The following RAD51B variants were observed in gnomAD, a reference collection of about 807,000 sequenced individuals.
RAD51B encodes RAD51 paralog B, also known as DNA repair protein RAD51 homolog 2.
RAD51B carries 38 observed loss-of-function variants against 42.2 expected under a neutral mutation model. The ratio of observed to expected loss-of-function variants is 0.90; its 90% CI spans 0.70 to 1.18. The LOEUF is 1.18. RAD51B is among the 50% of genes most tolerant of loss of function. The pLI, the probability that RAD51B is intolerant of heterozygous loss-of-function variation, is 0.00. For synonymous variants in RAD51B, 154 were observed against 145.2 expected (o/e 1.06, Z -0.43); for missense variants, 373 against 400.7 (o/e 0.93, Z 0.59).
intron 7 of RAD51B, among the ~76,000 whole-genome samples, chr14:67,923,542 G>A (rs1398622768): frequency 4.6e-5 from 7 of 151,482 alleles, no homozygotes; most frequent in Admixed American, 6.6e-5. Context: ...CAGGTGATCC[G>A]CCCACCTCAG....
At chr14:68,556,140 C>A (rs891108050) in intron 10 of RAD51B, among the ~76,000 whole-genome samples, 1 of 152,164 alleles carries the variant, frequency 6.6e-6, no homozygotes, top group Non-Finnish European at 1.5e-5. Flanking sequence ...TCAATGGTTA[C>A]TTTTTTAAGT....
At chr14:68,653,377 AAAAAACAAAGCC>A (rs1566964718) in intron 11 of RAD51B, among the ~76,000 whole-genome samples, 1 of 100,100 alleles carries the variant, frequency 1.0e-5, no homozygotes, top group Non-Finnish European at 2.4e-5. Flanking sequence ...CTGTCTTTCA[AAAAAACAAAGCC>A]AAAAAACAGT....
intron 7 of RAD51B, among the ~76,000 whole-genome samples, chr14:68,034,264 CTT>C (rs548523242): frequency 1.7e-4 from 25 of 143,768 alleles, no homozygotes; most frequent in Admixed American, 2.8e-4. Context: ...GAATCATCTG[CTT>C]TTTTTTTTTT....
At chr14:67,919,914 T>C (rs2140132010) in intron 7 of RAD51B, among the ~76,000 whole-genome samples, 1 of 152,336 alleles carries the variant, frequency 6.6e-6, no homozygotes, top group Middle Eastern at 3.4e-3. Flanking sequence ...GGCTGACTGT[T>C]GGATTAGCTG....
intron 8 of RAD51B, among the ~76,000 whole-genome samples, chr14:68,328,569 C>A (rs1053052385): frequency 6.6e-6 from 1 of 152,208 alleles, no homozygotes. Context: ...TCCAGCTCCC[C>A]TGGCTTTTGG....
intron 7 of RAD51B, among the ~76,000 whole-genome samples, chr14:68,063,545 G>T (rs1467004616): frequency 2.0e-5 from 3 of 152,132 alleles, no homozygotes; most frequent in South Asian, 2.1e-4. Context: ...AGACCATCCT[G>T]GCCAACATGG....
chr14:68,468,962 T>G, intron 10 of RAD51B: 1 of 286,544 alleles, frequency 3.5e-6, no homozygotes, highest in Non-Finnish European at 7.5e-6. Context: ...CAGAAAGCAA[T>G]TAACATGAAG....
At chr14:68,202,455 C>A (rs761764787) in intron 7 of RAD51B, among the ~76,000 whole-genome samples, 4 of 151,654 alleles carry the variant, frequency 2.6e-5, no homozygotes, top group African/African-American at 9.7e-5. Flanking sequence ...TTATCAACTA[C>A]GTTTATATAA....
chr14:68,589,547 G>GC (rs528811685), intron 10 of RAD51B, among the ~76,000 whole-genome samples: 36 of 152,326 alleles, frequency 2.4e-4, no homozygotes, highest in African/African-American at 8.4e-4. Context: ...GCTGCTAGAG[G>GC]CCAGGCCTTG....
At chr14:68,551,622 A>G (rs1888576383) in intron 10 of RAD51B, among the ~76,000 whole-genome samples, 1 of 152,136 alleles carries the variant, frequency 6.6e-6, no homozygotes, top group Admixed American at 6.5e-5. Flanking sequence ...TAGAATGAAA[A>G]CACCTCCAGG....
chr14:68,017,490 C>A (rs1309548442), intron 7 of RAD51B, among the ~76,000 whole-genome samples: 1 of 152,178 alleles, frequency 6.6e-6, no homozygotes, highest in South Asian at 2.1e-4. Flanking sequence ...GCCACCACAC[C>A]CAGCCTATCT....
At chr14:67,851,568 T>A (rs2041808611) in intron 4 of RAD51B, among the ~76,000 whole-genome samples, 1 of 151,984 alleles carries the variant, frequency 6.6e-6, no homozygotes, top group South Asian at 2.1e-4. Context: ...CTGCTGGCAC[T>A]GGAGTTTCTC....
intron 11 of RAD51B, among the ~76,000 whole-genome samples, chr14:68,661,550 G>A (rs1892933247): frequency 6.6e-6 from 1 of 152,178 alleles, no homozygotes; most frequent in Non-Finnish European, 1.5e-5. Flanking sequence ...GATTCCCAAA[G>A]GTCACTTAAA....
intron 10 of RAD51B, among the ~76,000 whole-genome samples, chr14:68,649,468 A>G (rs546877086): frequency 6.6e-6 from 1 of 152,280 alleles, no homozygotes; most frequent in South Asian, 2.1e-4. Context: ...CAGCGCACAG[A>G]TGGACATCAT....
intron 7 of RAD51B, among the ~76,000 whole-genome samples, chr14:68,226,327 C>T (rs750804530): frequency 8.5e-5 from 13 of 152,306 alleles, no homozygotes; most frequent in Non-Finnish European, 1.6e-4. Flanking sequence ...AACCCTCTCC[C>T]GGGCCAGCCA....
chr14:68,334,631 G>A (rs2082410179), intron 8 of RAD51B, among the ~76,000 whole-genome samples: 1 of 152,026 alleles, frequency 6.6e-6, no homozygotes, highest in South Asian at 2.1e-4. Context: ...ATGCATATAG[G>A]CCACATTTTT....
intron 7 of RAD51B, among the ~76,000 whole-genome samples, chr14:68,182,028 G>A (rs1000425426): frequency 1.3e-5 from 2 of 152,210 alleles, no homozygotes; most frequent in Admixed American, 6.5e-5. Context: ...ATGCCCTAGA[G>A]CATCATGAGG....
chr14:68,208,278 AAGGTT>A (rs1336119406), intron 7 of RAD51B, among the ~76,000 whole-genome samples: 6 of 152,172 alleles, frequency 3.9e-5, no homozygotes, highest in Non-Finnish European at 5.9e-5. Context: ...AGGTGTGGTA[AAGGTT>A]ATAGTAATGG....
chr14:67,917,199 G>C (rs1455725380), intron 7 of RAD51B, among the ~76,000 whole-genome samples: 1 of 152,178 alleles, frequency 6.6e-6, no homozygotes, highest in African/African-American at 2.4e-5. Context: ...TTCTTGCGTT[G>C]CTATAAAGGA....
Sources: allele counts gnomAD v4.1 joint callset (sites outside exome capture counted in the v4.1 genomes callset), GRCh38; gene constraint gnomAD v4.1.1; transcripts MANE v1.5; gene names NCBI Gene and HGNC (gene_info 2026-07-23, HGNC 2026-07-21).